SLAMF1: variants seen among roughly 807,000 people sequenced by gnomAD.
The protein encoded by SLAMF1 is signaling lymphocytic activation molecule family member 1.
In SLAMF1, 18 loss-of-function variants were observed where a neutral mutation model predicts 35.1. That is an observed-to-expected ratio of 0.51 (90% CI 0.35 to 0.76). The LOEUF is 0.76. Ranked by LOEUF, SLAMF1 falls within the 30% of genes least tolerant of loss-of-function variation. The probability of loss-of-function intolerance (pLI) is 0.01; values close to 1 mark genes in which losing one functional copy is unlikely to be tolerated. For missense variants in SLAMF1, 392 were observed against 413.0 expected (o/e 0.95, Z 0.44); for synonymous variants, 168 against 157.2 (o/e 1.07, Z -0.51).
rs1244226953 is a variant in SLAMF1, at chr1:160,619,786, T to C, written c.854A>G (p.Gln285Arg). 1.2e-6 allele frequency: 2 copies of C among 1,607,508 alleles called. No homozygotes were observed. Among genetic ancestry groups the C allele is most frequent in the African/African-American group, 1.3e-5 (1 of 74,934 alleles). ...AAATATAGAACTTACACCTGGTTTC[T>C]GGACTTGGGCATAGATCGTAAGGCT... ...KKSLTIYAQV[Q>R]KPGPLQKKLD... is the part of the protein sequence containing the mutation. The change falls in exon 5 of 7, where the codon CAG (glutamine) becomes CGG (arginine). Residue 285 changes from glutamine (Q) to arginine (R), a missense_variant. By Grantham distance (43) the Gln-to-Arg change is conservative. Transcript: ENST00000302035.
intron 1 of SLAMF1, 150 bp downstream of exon 1, chr1:160,646,720 T>G: frequency 1.7e-6 from 1 of 576,858 alleles, no homozygotes; most frequent in Non-Finnish European, 3.3e-6. Flanking sequence ...TCCTTCCTCT[T>G]TGAAAGAGGC....
At chr1:160,640,344 A>ATATATATATC (rs1240036163) in intron 1 of SLAMF1, among the ~76,000 whole-genome samples, 1 of 137,566 alleles carries the variant, frequency 7.3e-6, no homozygotes, top group Non-Finnish European at 1.5e-5. Flanking sequence ...ATATATATAT[A>ATATATATATC]TATATATATA....
chr1:160,636,967 A>G (rs919700445), intron 2 of SLAMF1: 12 of 547,900 alleles, frequency 2.2e-5, no homozygotes, highest in Non-Finnish European at 2.6e-5. Context: ...AATGGGAGTA[A>G]GAGTAACTAA....
chr1:160,625,528 T>G (rs1659831878), intron 3 of SLAMF1, among the ~76,000 whole-genome samples: 1 of 152,210 alleles, frequency 6.6e-6, no homozygotes, highest in East Asian at 1.9e-4. Flanking sequence ...GCCTTCTGGA[T>G]TTGAAAAGAT....
rs3766364 is a variant in SLAMF1, at chr1:160,642,349, T to G, written c.76+4521A>C. Among the ~76,000 whole-genome samples, 16,785 of 152,222 alleles carry G rather than the reference T, an allele frequency of 0.11. 1,086 individuals carry two copies. Among genetic ancestry groups the G allele is most frequent in the African/African-American group, 0.17 (7,247 of 41,526 alleles). On this transcript the variant is annotated intron_variant, in intron 1 of 6. Transcript: ENST00000302035. This position sits in a 1 kb window ranked among gnomAD's most constrained non-coding sequence, Gnocchi z 4.2. ...ACTTCCATCTTTCTGGTCTCCATTTTGACATCTCTTTCATAGGGAAGACTT... is the reference window on the plus strand; with the variant it reads ...ACTTCCATCTTTCTGGTCTCCATTTGGACATCTCTTTCATAGGGAAGACTT...
intron 1 of SLAMF1, among the ~76,000 whole-genome samples, chr1:160,638,865 T>C (rs376784608): frequency 6.6e-4 from 100 of 152,336 alleles, no homozygotes; most frequent in African/African-American, 2.3e-3. Context: ...TCCTATCCTA[T>C]ATAGGTTGCC....
At position 160,634,836 on chromosome 1, in the gene SLAMF1, G is replaced by A. The variant is rs748759655; in HGVS notation, c.477C>T (p.Thr159=). Residue 159 remains threonine, a synonymous_variant, in exon 3 of 7, where the codon ACC becomes ACT. Transcript: ENST00000302035. ...LNKTQENGTC[T]LILGCTVEKG... is the part of the protein sequence containing the mutation. ...TCTCCACTGTGCAGCCCAGTATCAA[G>A]GTGCAGGTCCCGTTCTCCTGGGTCT... The A allele has an allele frequency of 3.7e-6, 6 of 1,614,126 alleles. No homozygotes were observed. The highest frequency in any genetic ancestry group is 5.1e-6 in the Non-Finnish European group (6 of 1,180,014).
intron 5 of SLAMF1, among the ~76,000 whole-genome samples, chr1:160,614,769 T>A (rs1659201742): frequency 6.6e-6 from 1 of 152,212 alleles, no homozygotes; most frequent in African/African-American, 2.4e-5. Context: ...CTATTAAGAC[T>A]CTGTGTGTGC....
rs112007132 is a variant in SLAMF1 at position 160,634,736 on chromosome 1, G to C, written c.577C>G (p.Leu193Val). ...TGGGGGCCGAGGGTGAGGGACAGGA[G>C]GTGGGAGCTGTTGGCTGGGTTCAGT... is the stretch of plus-strand genomic sequence containing the variant. ...HPLNPANSSHLLSLTLGPQHA... is the reference protein window; with the variant it reads ...HPLNPANSSHVLSLTLGPQHA... Residue 193 changes from leucine (L) to valine (V), a missense_variant, in exon 3 of 7, where the codon CTC (leucine) becomes GTC (valine). Physicochemically the swap from Leu to Val is conservative, Grantham distance 32. Transcript: ENST00000302035. 4 of 1,614,052 alleles carry C rather than the reference G, an allele frequency of 2.5e-6. No homozygotes were observed. In the African/African-American group the frequency reaches 5.3e-5, roughly 22 times the overall value.
chr1:160,618,363 C>G (rs555915049), intron 5 of SLAMF1, among the ~76,000 whole-genome samples: 2 of 151,960 alleles, frequency 1.3e-5, no homozygotes, highest in African/African-American at 4.8e-5. Context: ...TTGATCCTTA[C>G]TGAGGAGTGG....
At chr1:160,626,012 C>T (rs542666340) in intron 3 of SLAMF1, among the ~76,000 whole-genome samples, 55 of 152,232 alleles carry the variant, frequency 3.6e-4, no homozygotes, top group Non-Finnish European at 7.1e-4. Context: ...ATCCAGCAAA[C>T]CATTATAGTA....
At position 160,624,160 on chromosome 1, in the gene SLAMF1, A is replaced by G; in HGVS notation, c.726T>C (p.Ala242=). The change falls in exon 4 of 7, where the codon GCT becomes GCC. Residue 242 remains alanine, a synonymous_variant. Transcript: ENST00000302035. The part of the protein sequence containing the change: ...PSETKPWAVY[A]GLLGGVIMIL... ...TCATGATGACACCCCCTAACAGCCC[A>G]GCATACACTGCCCATGGTTTTGTTT... 1 of 1,611,220 alleles carries G rather than the reference A, an allele frequency of 6.2e-7. No individual in the cohort carries two copies. Among genetic ancestry groups the G allele is most frequent in the South Asian group, 1.1e-5 (1 of 90,544 alleles).
At chr1:160,628,700 T>A (rs569322755) in intron 3 of SLAMF1, among the ~76,000 whole-genome samples, 1 of 152,284 alleles carries the variant, frequency 6.6e-6, no homozygotes, top group East Asian at 1.9e-4. Flanking sequence ...TCCACAAAAA[T>A]GGATCTAGAA....
rs539827985 is a variant in SLAMF1 at position 160,609,992 on chromosome 1, C to T, written c.*756G>A. On this transcript the variant is annotated 3_prime_UTR_variant, in exon 7 of 7. Transcript: ENST00000302035. ...TATTCCAAGCTCCTTTGTAACAGCA[C>T]CATCAAACATTTGCTACGTTTTTCT... The T allele has an allele frequency of 1.5e-3, 302 of 204,678 alleles. 1 individual carries two copies. The highest frequency in any genetic ancestry group is 7.1e-3 in the African/African-American group (297 of 42,106). 12.7% of individuals were successfully genotyped at this position (204,678 alleles called of 1,614,324 possible). A position where few individuals can be genotyped will look rare whatever the true frequency, so the allele number is the denominator to read the frequency against.
Position 160,610,494 on chromosome 1 carries a change from A to C in SLAMF1, c.*254T>G. ...CCATTTCATCTGCTACAACACAAAG[A>C]TGGAACGCTGTTATCAAGTAACGCT... is the stretch of plus-strand genomic sequence containing the variant. On this transcript the variant is annotated 3_prime_UTR_variant, in exon 7 of 7. Coordinates refer to ENST00000302035, the MANE Select transcript of SLAMF1 (RefSeq NM_003037.5). 3.7e-6 allele frequency: 2 copies of C among 536,080 alleles called. No homozygotes were observed. Among genetic ancestry groups the C allele is most frequent in the South Asian group, 3.7e-5 (2 of 53,654 alleles). 33.2% of individuals were successfully genotyped at this position (536,080 alleles called of 1,614,324 possible). A position where few individuals can be genotyped will look rare whatever the true frequency, so the allele number is the denominator to read the frequency against.
intron 1 of SLAMF1, among the ~76,000 whole-genome samples, chr1:160,645,131 AG>A (rs1385780628): frequency 5.3e-5 from 8 of 152,340 alleles, no homozygotes; most frequent in Non-Finnish European, 7.4e-5. Flanking sequence ...TACTTGGGGA[AG>A]GGACATGTGG....
At chr1:160,622,776 C>T (rs1463917821) in intron 4 of SLAMF1, among the ~76,000 whole-genome samples, 3 of 152,170 alleles carry the variant, frequency 2.0e-5, no homozygotes, top group Non-Finnish European at 4.4e-5. Context: ...TTGTCTAATG[C>T]CTATACCCAC....
At chr1:160,622,155 A>G (rs1206745702) in intron 4 of SLAMF1, among the ~76,000 whole-genome samples, 1 of 152,150 alleles carries the variant, frequency 6.6e-6, no homozygotes, top group African/African-American at 2.4e-5. Context: ...TAAAAGGACC[A>G]TTGGACCAAG....
Position 160,634,675 on chromosome 1 carries a change from T to C in SLAMF1, c.638A>G (p.Asn213Ser). ...ADNIYICTVS[N>S]PISNNSQTFS... ...GGTCTGGGAATTGTTGCTGATAGGG[T>C]TGCTCACGGTGCAGATGTAGATATT... is the stretch of plus-strand genomic sequence containing the variant. Residue 213 changes from asparagine (N) to serine (S), a missense_variant, in exon 3 of 7, where the codon AAC becomes AGC. By Grantham distance (46) the Asn-to-Ser change is conservative (BLOSUM62 1). Transcript: ENST00000302035. 1 of 1,614,004 alleles carries C rather than the reference T, an allele frequency of 6.2e-7. No individual in the cohort carries two copies. The highest frequency in any genetic ancestry group is 2.2e-5 in the East Asian group (1 of 44,884).
Sources: allele counts gnomAD v4.1 joint callset (sites outside exome capture counted in the v4.1 genomes callset), GRCh38; gene constraint gnomAD v4.1.1; non-coding constraint Gnocchi (gnomAD v3.1); transcripts MANE v1.5; gene names NCBI Gene and HGNC (gene_info 2026-07-23, HGNC 2026-07-21).